ZNF687: variants seen among roughly 807,000 people sequenced by gnomAD.
ZNF687 encodes zinc finger protein 687.
ZNF687 carries 13 observed loss-of-function variants against 71.8 expected under a neutral mutation model. That is an observed-to-expected ratio of 0.18 (90% CI 0.12 to 0.29). ZNF687 has a LOEUF of 0.29. ZNF687 is among the 10% of genes least tolerant of loss of function. ZNF687 has a pLI of 1.00. For missense variants in ZNF687, 1,412 were observed against 1,625.6 expected (o/e 0.87, Z 2.26); for synonymous variants, 673 against 641.6 (o/e 1.05, Z -0.74).
rs763163053 is a variant in ZNF687 at position 151,291,196 on chromosome 1, T to G, written c.3701T>G (p.Val1234Gly). ...MAFIRARQGA[V>G]GDN is the part of the protein sequence containing the mutation. The stretch of plus-strand genomic sequence containing the variant: ...TTCATCAGGGCTCGGCAGGGGGCTG[T>G]TGGGGACAACTAGTCTCCAAGGCCT... Residue 1234 changes from valine (V) to glycine (G), a missense_variant, in exon 9 of 9, where the codon GTT becomes GGT. Coordinates refer to ENST00000336715, the MANE Select transcript of ZNF687 (RefSeq NM_020832.3). 5.0e-6 allele frequency: 8 copies of G among 1,610,222 alleles called. No individual in the cohort carries two copies. The highest frequency in any genetic ancestry group is 6.8e-6 in the Non-Finnish European group (8 of 1,178,140).
Position 151,290,706 on chromosome 1 carries a change from T to C in ZNF687, c.3220-9T>C, listed in dbSNP as rs771143952. 5.0e-6 allele frequency: 8 copies of C among 1,591,086 alleles called. No individual in the cohort carries two copies. The highest frequency in any genetic ancestry group is 3.4e-6 in the Non-Finnish European group (4 of 1,167,548). The stretch of plus-strand genomic sequence containing the variant: ...GTGGTAAGGCCCAGTTTCTTCCACT[T>C]TTCTTCAGGGGCCAGGTCGGAAACG... On this transcript the variant is annotated splice_polypyrimidine_tract_variant and intron_variant, in intron 8 of 8. Transcript: ENST00000336715.
At position 151,289,960 on chromosome 1, in the gene ZNF687, C is replaced by A; in HGVS notation, c.2917C>A (p.Pro973Thr). 1 of 1,572,794 alleles carries A rather than the reference C, an allele frequency of 6.4e-7. No individual in the cohort carries two copies. Residue 973 changes from proline (P) to threonine (T), a missense_variant, in exon 6 of 9, where the codon CCT becomes ACT. Around this residue, in one of 8 missense-constraint regions of ZNF687, gnomAD observed 135 missense variants for 104.1 expected, o/e 1.30. Transcript: ENST00000336715. ...CTGTGGCCTGTGTCACTCCTGGTTC[C>A]CTGAGCGTGATGAATACGTGGCCCA... is the stretch of plus-strand genomic sequence containing the variant. ...WTCGLCHSWF[P>T]ERDEYVAHMK...
At chr1:151,283,344 G>C in intron 1 of ZNF687, 1 of 977,968 alleles carries the variant, frequency 1.0e-6, no homozygotes, top group Non-Finnish European at 1.2e-6. Context: ...ACTCGACCTG[G>C]GCCTGTTCAG....
Position 151,290,795 on chromosome 1 carries a change from C to T in ZNF687, c.3300C>T (p.Pro1100=). 1.2e-6 allele frequency: 2 copies of T among 1,613,846 alleles called. No individual in the cohort carries two copies. Among genetic ancestry groups the T allele is most frequent in the Non-Finnish European group, 1.7e-6 (2 of 1,179,998 alleles). Residue 1100 remains proline (P), a synonymous_variant, in exon 9 of 9, where the codon CCC becomes CCT. Transcript: ENST00000336715. ...PDSTTPPAKS[P]RGGPGSGGHG... ...GCACGACACCGCCAGCCAAGTCCCC[C>T]AGGGGCGGACCTGGATCTGGAGGCC...
rs1459349458 is a variant in ZNF687 at position 151,288,639 on chromosome 1, C to T, written c.2227C>T (p.Leu743=). 2 of 1,614,142 alleles carry T rather than the reference C, an allele frequency of 1.2e-6. No individual in the cohort carries two copies. The highest frequency in any genetic ancestry group is 2.7e-5 in the African/African-American group (2 of 75,040). The change falls in exon 3 of 9, where the codon CTG becomes TTG. Residue 743 remains leucine, a synonymous_variant. Coordinates refer to ENST00000336715, the MANE Select transcript of ZNF687 (RefSeq NM_020832.3). ...CTGTCCTGAGTGTGGGGGCAACTTC[C>T]TGCAAGCCAATTTTCAGACCCATCT... is the stretch of plus-strand genomic sequence containing the variant. ...HVCPECGGNF[L]QANFQTHLRE... is the part of the protein sequence containing the mutation.
intron 1 of ZNF687, chr1:151,285,951 TC>T: frequency 5.5e-6 from 1 of 183,004 alleles, no homozygotes. Flanking sequence ...CCTCAAGTGA[TC>T]CATCTGCCTC....
chr1:151,290,931 TC>T lies in ZNF687; in HGVS notation c.3440del (p.Pro1147LeufsTer4). The T allele has an allele frequency of 6.2e-7, 1 of 1,613,650 alleles. No homozygotes were observed. The highest frequency in any genetic ancestry group is 8.5e-7 in the Non-Finnish European group (1 of 1,179,974). ...QCLDCGLCFA[S>X]PGSLSRHRFI... is the part of the protein sequence containing the mutation. ...CCTCGACTGTGGCTTGTGCTTTGCC[TC>T]CCCTGGCTCCCTGAGCCGACACCGT... is the stretch of plus-strand genomic sequence containing the variant. On this transcript the variant is annotated frameshift_variant, in exon 9 of 9. Transcript: ENST00000336715. LOFTEE classifies it high-confidence loss of function.
In ZNF687 at chr1:151,290,187, C is replaced by T; in HGVS notation, c.3030C>T (p.Arg1010=). The change falls in exon 7 of 9, where the codon CGC becomes CGT. Residue 1010 remains arginine, a synonymous_variant. Coordinates refer to ENST00000336715, the MANE Select transcript of ZNF687 (RefSeq NM_020832.3). ...RSFCSAPSLR[R]HVRVNHEGIK... is the part of the protein sequence containing the mutation. ...TCTGCTCCGCCCCCAGCCTGAGGCG[C>T]CATGTCAGAGTTAATCACGAGGGCA... 1 of 1,614,048 alleles carries T rather than the reference C, an allele frequency of 6.2e-7. No homozygotes were observed. Among genetic ancestry groups the T allele is most frequent in the Non-Finnish European group, 8.5e-7 (1 of 1,180,038 alleles).
Position 151,287,030 on chromosome 1 carries a change from G to A in ZNF687, c.739G>A (p.Asp247Asn), listed in dbSNP as rs1280155504. Reference protein sequence around the residue: ...QGSGSSPKATDIPASASPPPV... With the variant: ...QGSGSSPKATNIPASASPPPV... Reference sequence around the variant, plus strand: ...CTCAGGCTCCAGCCCTAAGGCCACGGACATCCCTGCCAGTGCCTCGCCTCC... The same window carrying A: ...CTCAGGCTCCAGCCCTAAGGCCACGAACATCCCTGCCAGTGCCTCGCCTCC... The change falls in exon 2 of 9, where the codon GAC becomes AAC. Residue 247 changes from aspartate (D) to asparagine (N), a missense_variant. Asp to Asn is a conservative substitution (Grantham distance 23). Coordinates refer to ENST00000336715, the MANE Select transcript of ZNF687 (RefSeq NM_020832.3). The surrounding 1 kb of genome is among the most constrained non-coding windows in gnomAD (Gnocchi z 5.0). 1 of 1,607,596 alleles carries A rather than the reference G, an allele frequency of 6.2e-7. No individual in the cohort carries two copies. The highest frequency in any genetic ancestry group is 2.2e-5 in the East Asian group (1 of 44,724).
intron 3 of ZNF687, 73 bp downstream of exon 3, chr1:151,288,779 A>G: frequency 6.7e-7 from 1 of 1,485,370 alleles, no homozygotes; most frequent in African/African-American, 1.4e-5. Flanking sequence ...TGGCCTTTCA[A>G]GATCCCCTAT....
Position 151,291,202 on chromosome 1 carries a change from A to C in ZNF687, c.3707A>C (p.Asp1236Ala), listed in dbSNP as rs1257391708. 1 of 1,597,290 alleles carries C rather than the reference A, an allele frequency of 6.3e-7. No homozygotes were observed. The highest frequency in any genetic ancestry group is 8.6e-7 in the Non-Finnish European group (1 of 1,168,738). ...AGGGCTCGGCAGGGGGCTGTTGGGG[A>C]CAACTAGTCTCCAAGGCCTGGGACT... The part of the protein sequence containing the change: ...FIRARQGAVG[D>A]N The change falls in exon 9 of 9, where the codon GAC becomes GCC. Residue 1236 changes from aspartate (D) to alanine (A), a missense_variant. Transcript: ENST00000336715.
At chr1:151,283,157 G>T in intron 1 of ZNF687, 6 of 985,410 alleles carry the variant, frequency 6.1e-6, no homozygotes, top group Non-Finnish European at 7.2e-6. Flanking sequence ...AGTTTCTCAT[G>T]TGTACACCCC....
At chr1:151,284,033 C>CT in intron 1 of ZNF687, 1 of 985,414 alleles carries the variant, frequency 1.0e-6, no homozygotes, top group Non-Finnish European at 1.2e-6. Flanking sequence ...AGCTGGCCTG[C>CT]TTGTTGGATT....
chr1:151,289,489 G>C lies in ZNF687; in HGVS notation c.2583G>C (p.Pro861=). ...LPQRVSVFKC[P]SCPLLFAQKR... ...AGCGTGTCAGTGTCTTTAAGTGCCCGTCTTGTCCTCTGCTCTTTGCCCAAA... is the reference window on the plus strand; with the variant it reads ...AGCGTGTCAGTGTCTTTAAGTGCCCCTCTTGTCCTCTGCTCTTTGCCCAAA... Residue 861 remains proline (P), a synonymous_variant, in exon 5 of 9, where the codon CCG becomes CCC. Transcript: ENST00000336715. The C allele has an allele frequency of 6.2e-7, 1 of 1,614,122 alleles. No homozygotes were observed. The highest frequency in any genetic ancestry group is 8.5e-7 in the Non-Finnish European group (1 of 1,180,050).
At position 151,286,301 on chromosome 1, in the gene ZNF687, A is replaced by G; in HGVS notation, c.10A>G (p.Met4Val). 3 of 1,559,416 alleles carry G rather than the reference A, an allele frequency of 1.9e-6. No individual in the cohort carries two copies. Among genetic ancestry groups the G allele is most frequent in the South Asian group, 1.2e-5 (1 of 81,800 alleles). Reference protein sequence around the residue: MGDMKTPDFDDLLA... With the variant: MGDVKTPDFDDLLA... ...TCTGGGATCTGCCGATATGGGGGATATGAAGACCCCTGATTTTGATGACCT... is the reference window on the plus strand; with the variant it reads ...TCTGGGATCTGCCGATATGGGGGATGTGAAGACCCCTGATTTTGATGACCT... Residue 4 changes from methionine to valine, a missense_variant, in exon 2 of 9, where the codon ATG (methionine) becomes GTG (valine). This residue lies in a region of ZNF687 where 490 missense variants were observed against 489.9 expected (regional missense o/e 1.00). Transcript: ENST00000336715.
intron 1 of ZNF687, chr1:151,285,335 G>A (rs1320543675): frequency 6.6e-6 from 1 of 152,048 alleles, no homozygotes; most frequent in Admixed American, 6.5e-5. Context: ...TGATTATTTG[G>A]TTCTATGCTG....
chr1:151,288,832 AACCCT>A (rs1455747777), intron 3 of ZNF687, 126 bp downstream of exon 3: 5 of 1,234,884 alleles, frequency 4.0e-6, no homozygotes, highest in Non-Finnish European at 3.4e-6. Context: ...TGCCAGACTC[AACCCT>A]GAGATAGTAC....
In ZNF687 at chr1:151,290,437, G is replaced by A. The variant is rs1694179277; in HGVS notation, c.3083G>A (p.Cys1028Tyr). ...GIKRVYPCRY[C>Y]TEGKRTFSSR... Reference sequence around the variant, plus strand: ...CCTGTCCTCTCCCATTTCAGGTATTGCACAGAGGGAAAACGCACCTTCAGC... The same window carrying A: ...CCTGTCCTCTCCCATTTCAGGTATTACACAGAGGGAAAACGCACCTTCAGC... Residue 1028 changes from cysteine to tyrosine, a missense_variant, in exon 8 of 9, where the codon TGC becomes TAC. Transcript: ENST00000336715. The A allele has an allele frequency of 6.2e-7, 1 of 1,613,722 alleles. No individual in the cohort carries two copies.
upstream of ZNF687, chr1:151,282,056 C>G (rs587681122): frequency 7.1e-5 from 91 of 1,284,060 alleles, no homozygotes; most frequent in African/African-American, 1.2e-3. Context: ...GGCAGACGGA[C>G]CCCGGCGCAG....
Sources: allele counts gnomAD v4.1 joint callset, GRCh38; gene constraint gnomAD v4.1.1; regional missense constraint gnomAD v4.1.1; non-coding constraint Gnocchi (gnomAD v3.1); transcripts MANE v1.5; gene names NCBI Gene and HGNC (gene_info 2026-07-23, HGNC 2026-07-21).